Variants in LUC7L2 observed in about 807,000 individuals in gnomAD.
LUC7L2 encodes putative RNA-binding protein Luc7-like 2.
LUC7L2 carries 25 observed loss-of-function variants against 52.8 expected under a neutral mutation model. That is an observed-to-expected ratio of 0.47 (90% CI 0.34 to 0.66). The LOEUF is 0.66. Among genes scored for constraint, LUC7L2 ranks in the 30% least tolerant of loss-of-function variants. The pLI is 0.01. For missense variants in LUC7L2, 328 were observed against 497.8 expected (o/e 0.66, Z 3.25); for synonymous variants, 144 against 160.9 (o/e 0.89, Z 0.80).
chr7:139,383,464 T>TTTA (rs1460786806), intron 2 of LUC7L2, among the ~76,000 whole-genome samples: 1 of 151,738 alleles, frequency 6.6e-6, no homozygotes, highest in Non-Finnish European at 1.5e-5. Context: ...CAAGCTGGAG[T>TTTA]GTAATGGCGC....
chr7:139,365,852 A>G (rs1800126969), intron 1 of LUC7L2, among the ~76,000 whole-genome samples: 2 of 152,206 alleles, frequency 1.3e-5, no homozygotes, highest in African/African-American at 4.8e-5. Flanking sequence ...GAGGGAGTGA[A>G]GAGGGAATCT....
chr7:139,341,300 C>CATTAGGCGCCT (rs1798942434), intron 1 of LUC7L2: 1 of 1,527,152 alleles, frequency 6.5e-7, no homozygotes, highest in Non-Finnish European at 8.8e-7. Context: ...TCTGTCCGAC[C>CATTAGGCGCCT]GTACCATTAG....
chr7:139,373,324 A>T (rs1800548074), intron 1 of LUC7L2, among the ~76,000 whole-genome samples: 1 of 152,242 alleles, frequency 6.6e-6, no homozygotes, highest in South Asian at 2.1e-4. Context: ...TAAAAATATC[A>T]ATAAACAGTC....
chr7:139,402,375 T>C, intron 4 of LUC7L2, 128 bp downstream of exon 4: 1 of 891,730 alleles, frequency 1.1e-6, no homozygotes. Context: ...GTATACTTTC[T>C]TGTCTGCCCC....
At chr7:139,419,394 G>A (rs1428657574) in intron 9 of LUC7L2, among the ~76,000 whole-genome samples, 1 of 152,182 alleles carries the variant, frequency 6.6e-6, no homozygotes, top group Non-Finnish European at 1.5e-5. Context: ...CAGAGAATGA[G>A]GAGGGAGTTT....
At chr7:139,417,465 A>G in intron 8 of LUC7L2, 73 bp from the exon 9 acceptor site, 2 of 1,532,090 alleles carry the variant, frequency 1.3e-6, no homozygotes, top group South Asian at 2.6e-5. Context: ...GTTTCTCTTT[A>G]AAGAAAAGGC....
intron 1 of LUC7L2, chr7:139,371,302 C>G: frequency 1.5e-6 from 1 of 687,360 alleles, no homozygotes; most frequent in Non-Finnish European, 2.7e-6. Flanking sequence ...AAATAGGATT[C>G]TGCATACCAT....
chr7:139,351,173 G>T (rs1172770412), intron 1 of LUC7L2, among the ~76,000 whole-genome samples: 1 of 152,102 alleles, frequency 6.6e-6, no homozygotes, highest in Non-Finnish European at 1.5e-5. Context: ...GGCTCCTCTG[G>T]CATGCTGAAG....
chr7:139,413,408 ACTTT>A (rs1294067685), intron 8 of LUC7L2, among the ~76,000 whole-genome samples: 1 of 152,166 alleles, frequency 6.6e-6, no homozygotes, highest in Non-Finnish European at 1.5e-5. Context: ...TCTTTTAGAA[ACTTT>A]CTGAGTTCTC....
chr7:139,342,195 C>CT (rs11410381), intron 1 of LUC7L2, among the ~76,000 whole-genome samples: 59,215 of 152,010 alleles, frequency 0.39, 16,147 homozygotes, highest in African/African-American at 0.78. Flanking sequence ...GTGTCCTGTC[C>CT]TTAAGACACT....
Position 139,402,142 on chromosome 7 carries a change from G to A in LUC7L2, c.261G>A (p.Met87Ile). The change falls in exon 4 of 10, where the codon ATG (methionine) becomes ATA (isoleucine). Residue 87 changes from methionine to isoleucine, a missense_variant. Physicochemically the swap from Met to Ile is conservative, Grantham distance 10 (BLOSUM62 1). Transcript: ENST00000354926. ...TCTTTAATTAAACTTTGTAGGCCATGGATCATCTGCAGTCATTCATTGCAG... is the reference window on the plus strand; with the variant it reads ...TCTTTAATTAAACTTTGTAGGCCATAGATCATCTGCAGTCATTCATTGCAG... ...EQDFFFELDA[M>I]DHLQSFIADC... The A allele has an allele frequency of 6.3e-7, 1 of 1,590,438 alleles. No homozygotes were observed. The highest frequency in any genetic ancestry group is 8.5e-7 in the Non-Finnish European group (1 of 1,173,502).
At position 139,423,072 on chromosome 7, in the gene LUC7L2, T is replaced by C. The variant is rs1795966385; in HGVS notation, c.*732T>C. 2.5e-6 allele frequency: 1 copy of C among 398,830 alleles called. No homozygotes were observed. Among genetic ancestry groups the C allele is most frequent in the African/African-American group, 2.1e-5 (1 of 48,748 alleles). The allele number at this position is 398,830 out of a possible 1,614,324, so 24.7% of individuals were successfully genotyped here. A position where few individuals can be genotyped will look rare whatever the true frequency, so the allele number is the denominator to read the frequency against. On this transcript the variant is annotated 3_prime_UTR_variant, in exon 10 of 10. Coordinates refer to ENST00000354926, the MANE Select transcript of LUC7L2 (RefSeq NM_016019.5). ...GGACTCTTTTCGTAATAAGCACTTGTTTTATTTTGTGTGTGTGGAGTATAA... is the reference window on the plus strand; with the variant it reads ...GGACTCTTTTCGTAATAAGCACTTGCTTTATTTTGTGTGTGTGGAGTATAA...
At position 139,402,177 on chromosome 7, in the gene LUC7L2, G is replaced by A. The variant is rs1585119737; in HGVS notation, c.296G>A (p.Arg99His). Reference sequence around the variant, plus strand: ...CAGTCATTCATTGCAGATTGTGATCGTAGAACAGAAGTGGCCAAGAAAAGA... The same window carrying A: ...CAGTCATTCATTGCAGATTGTGATCATAGAACAGAAGTGGCCAAGAAAAGA... ...HLQSFIADCD[R>H]RTEVAKKRLA... is the part of the protein sequence containing the mutation. Residue 99 changes from arginine (R) to histidine (H), a missense_variant, in exon 4 of 10, where the codon CGT becomes CAT. Around this residue, in one of 2 missense-constraint regions of LUC7L2, gnomAD observed 133 missense variants for 274.4 expected, o/e 0.48. Transcript: ENST00000354926. 1.9e-6 allele frequency: 3 copies of A among 1,609,300 alleles called. No homozygotes were observed. Among genetic ancestry groups the A allele is most frequent in the South Asian group, 1.1e-5 (1 of 90,048 alleles).
At chr7:139,407,468 A>G (rs890218809) in intron 6 of LUC7L2, 118 bp downstream of exon 6, 41 of 1,218,364 alleles carry the variant, frequency 3.4e-5, no homozygotes, top group Non-Finnish European at 4.1e-5. Context: ...GATTAATACT[A>G]AACAGTGTAG....
intron 2 of LUC7L2, among the ~76,000 whole-genome samples, chr7:139,390,700 C>A (rs561821101): frequency 2.6e-5 from 4 of 151,914 alleles, no homozygotes; most frequent in African/African-American, 9.7e-5. Context: ...GGACTATAGG[C>A]GCCCACCACC....
chr7:139,400,493 C>G (rs983899595), intron 3 of LUC7L2, among the ~76,000 whole-genome samples: 2 of 152,076 alleles, frequency 1.3e-5, no homozygotes, highest in Non-Finnish European at 2.9e-5. Flanking sequence ...GGGGACAGAG[C>G]GAGACTCTGT....
chr7:139,409,757 G>C, intron 7 of LUC7L2, 103 bp downstream of exon 7: 1 of 1,391,562 alleles, frequency 7.2e-7, no homozygotes. Flanking sequence ...GTTATGGGAC[G>C]TGGGAAACTT....
At chr7:139,416,127 A>T in intron 8 of LUC7L2, 1 of 125,340 alleles carries the variant, frequency 8.0e-6, no homozygotes. Flanking sequence ...TAGCAGATTT[A>T]AAGCTGTGCA....
intron 2 of LUC7L2, among the ~76,000 whole-genome samples, chr7:139,395,750 C>G (rs1794631685): frequency 6.6e-6 from 1 of 152,180 alleles, no homozygotes; most frequent in Non-Finnish European, 1.5e-5. Context: ...AAGTGATCCC[C>G]CTGCCTCTGT....
Sources: allele counts gnomAD v4.1 joint callset (sites outside exome capture counted in the v4.1 genomes callset), GRCh38; gene constraint gnomAD v4.1.1; regional missense constraint gnomAD v4.1.1; transcripts MANE v1.5; gene names NCBI Gene and HGNC (gene_info 2026-07-23, HGNC 2026-07-21).